The following CDH18 variants were observed in gnomAD, a reference collection of about 807,000 sequenced individuals.
CDH18 encodes the protein cadherin 18.
A neutral mutation model predicts 67.9 loss-of-function variants in CDH18; 31 were observed. The ratio of observed to expected loss-of-function variants is 0.46; its 90% CI spans 0.34 to 0.62. CDH18 has a LOEUF of 0.62. Among genes scored for constraint, CDH18 ranks in the 20% least tolerant of loss-of-function variants. The probability of loss-of-function intolerance (pLI) is 0.01; values close to 1 mark genes in which losing one functional copy is unlikely to be tolerated. For missense variants in CDH18, 890 were observed against 975.5 expected (o/e 0.91, Z 1.17); for synonymous variants, 362 against 347.2 (o/e 1.04, Z -0.48).
intron 1 of CDH18, among the ~76,000 whole-genome samples, chr5:20,534,858 TA>T (rs1756624384): frequency 6.6e-6 from 1 of 151,774 alleles, no homozygotes; most frequent in South Asian, 2.1e-4. Flanking sequence ...TTTATTTATT[TA>T]GAGTCAGGGT....
chr5:20,473,250 AAAAAT>A (rs1368863155), intron 1 of CDH18, among the ~76,000 whole-genome samples: 172 of 152,302 alleles, frequency 1.1e-3, no homozygotes, highest in African/African-American at 4.0e-3. Context: ...AAAAAATGCC[AAAAAT>A]AAAATAAAAG....
intron 2 of CDH18, among the ~76,000 whole-genome samples, chr5:20,168,901 C>G (rs562838176): frequency 6.6e-6 from 1 of 152,136 alleles, no homozygotes; most frequent in East Asian, 1.9e-4. Context: ...AGAAACATCA[C>G]TTATTTGTGG....
chr5:20,552,842 G>T (rs1434916541), intron 1 of CDH18, among the ~76,000 whole-genome samples: 4 of 150,098 alleles, frequency 2.7e-5, no homozygotes, highest in East Asian at 2.0e-4. Context: ...CGCAACCTCT[G>T]CCTCGCGGTT....
chr5:20,567,223 G>A (rs553209743), intron 1 of CDH18, among the ~76,000 whole-genome samples: 1 of 152,140 alleles, frequency 6.6e-6, no homozygotes, highest in Non-Finnish European at 1.5e-5. Flanking sequence ...CATCCCTAGG[G>A]CTGGGAGAAC....
chr5:20,249,616 C>A (rs1037259795), intron 2 of CDH18, among the ~76,000 whole-genome samples: 10 of 152,118 alleles, frequency 6.6e-5, no homozygotes, highest in Admixed American at 4.6e-4. Context: ...CTGATCCGCC[C>A]GCCTCGGCCT....
intron 5 of CDH18, among the ~76,000 whole-genome samples, chr5:19,638,407 T>G (rs971388778): frequency 6.6e-6 from 1 of 152,154 alleles, no homozygotes; most frequent in African/African-American, 2.4e-5. Flanking sequence ...TAAATATGGA[T>G]TATTCGTTAG....
At chr5:19,993,048 A>G (rs1800071002), upstream of CDH18, among the ~76,000 whole-genome samples, 1 of 152,182 alleles carries the variant, frequency 6.6e-6, no homozygotes, top group South Asian at 2.1e-4. Flanking sequence ...TATCAATACC[A>G]TTAACACCAA....
chr5:20,114,112 A>G (rs1747700083), intron 2 of CDH18, among the ~76,000 whole-genome samples: 1 of 152,222 alleles, frequency 6.6e-6, no homozygotes, highest in South Asian at 2.1e-4. Flanking sequence ...TCCTCACTCA[A>G]GGTTACCCAG....
At chr5:20,215,853 C>A (rs1740727115) in intron 2 of CDH18, among the ~76,000 whole-genome samples, 1 of 151,874 alleles carries the variant, frequency 6.6e-6, no homozygotes. Context: ...AGGCCGTTAT[C>A]CTTAGCAAAC....
chr5:19,905,167 T>C (rs746577946), intron 2 of CDH18, among the ~76,000 whole-genome samples: 5 of 152,126 alleles, frequency 3.3e-5, no homozygotes, highest in Admixed American at 1.3e-4. Flanking sequence ...AAGTTAGAAA[T>C]TGGAAACTGT....
intron 2 of CDH18, among the ~76,000 whole-genome samples, chr5:20,231,483 C>T (rs1742070673): frequency 6.6e-6 from 1 of 151,906 alleles, no homozygotes; most frequent in Admixed American, 6.6e-5. Context: ...CCTGTAACCC[C>T]AGCTACTCAG....
chr5:19,940,202 T>C (rs1365452593), intron 2 of CDH18, among the ~76,000 whole-genome samples: 1 of 151,510 alleles, frequency 6.6e-6, no homozygotes, highest in Non-Finnish European at 1.5e-5. Flanking sequence ...ATTCATCTGA[T>C]TACTGAGAAT....
chr5:20,157,828 GAT>G (rs1751658737), intron 2 of CDH18, among the ~76,000 whole-genome samples: 1 of 151,978 alleles, frequency 6.6e-6, no homozygotes, highest in Non-Finnish European at 1.5e-5. Flanking sequence ...TTTTAGTAGA[GAT>G]GGGGTTTCAC....
chr5:20,039,919 A>C (rs936553575), intron 2 of CDH18, among the ~76,000 whole-genome samples: 2 of 152,180 alleles, frequency 1.3e-5, no homozygotes, highest in East Asian at 3.9e-4. Flanking sequence ...CAACCTACAG[A>C]ATGGGAAAAA....
intron 1 of CDH18, among the ~76,000 whole-genome samples, chr5:20,554,378 CTTA>C (rs1757793620): frequency 6.6e-6 from 1 of 152,114 alleles, no homozygotes; most frequent in Admixed American, 6.5e-5. Context: ...GATAATCTAC[CTTA>C]TTATTCTTTA....
At chr5:20,111,357 T>A (rs1747442389) in intron 2 of CDH18, among the ~76,000 whole-genome samples, 1 of 152,096 alleles carries the variant, frequency 6.6e-6, no homozygotes, top group African/African-American at 2.4e-5. Context: ...TTGTTTTGGA[T>A]GAAACCAGCT....
chr5:20,317,220 T>C (rs1344891434), intron 1 of CDH18, among the ~76,000 whole-genome samples: 1 of 152,072 alleles, frequency 6.6e-6, no homozygotes, highest in Non-Finnish European at 1.5e-5. Flanking sequence ...TTTCAGCAAA[T>C]GTCAGAGCAG....
At chr5:19,894,492 TAAA>T (rs894327376) in intron 2 of CDH18, among the ~76,000 whole-genome samples, 1 of 150,862 alleles carries the variant, frequency 6.6e-6, no homozygotes, top group African/African-American at 2.4e-5. Flanking sequence ...TCTGGCTACC[TAAA>T]AAAAAATATT....
intron 5 of CDH18, among the ~76,000 whole-genome samples, chr5:19,646,862 A>G (rs939008089): frequency 2.6e-5 from 4 of 152,150 alleles, no homozygotes; most frequent in Non-Finnish European, 5.9e-5. Flanking sequence ...ATGGTCAAAG[A>G]TAGAAGAAGG....
Sources: gnomAD v4.1 joint callset for allele counts (sites outside exome capture counted in the v4.1 genomes callset) on GRCh38, gnomAD v4.1.1 for gene constraint, MANE v1.5 for transcripts, NCBI Gene and HGNC (gene_info 2026-07-23, HGNC 2026-07-21) for gene names.